SH3GL2: variants seen among roughly 807,000 people sequenced by gnomAD.
SH3GL2 encodes endophilin-A1.
In SH3GL2, 24 loss-of-function variants were observed where a neutral mutation model predicts 46.0. That is an observed-to-expected ratio of 0.52 (90% confidence interval 0.38 to 0.73). The LOEUF is 0.73. Ranked by LOEUF, SH3GL2 falls within the 30% of genes least tolerant of loss-of-function variation. The pLI, the probability that SH3GL2 is intolerant of heterozygous loss-of-function variation, is 0.00. For missense variants in SH3GL2, 413 were observed against 424.2 expected, an observed-to-expected ratio of 0.97 and a Z score of 0.23; for synonymous variants, 196 against 147.1, an observed-to-expected ratio of 1.33 and a Z score of -2.40.
At chr9:17,683,157 A>T (rs936735142) in intron 1 of SH3GL2, among the ~76,000 whole-genome samples, 26 of 152,196 alleles carry the variant, frequency 1.7e-4, no homozygotes, top group African/African-American at 6.3e-4. Flanking sequence ...TAAGAAAAAG[A>T]CTGAGTTATG....
intron 1 of SH3GL2, among the ~76,000 whole-genome samples, chr9:17,635,188 C>T (rs535449154): frequency 5.3e-5 from 8 of 152,176 alleles, no homozygotes; most frequent in African/African-American, 1.9e-4. Context: ...CTCTGTGTGT[C>T]CATGTGTTTT....
Position 17,789,498 on chromosome 9 carries a change from A to C in SH3GL2, c.572A>C (p.Asp191Ala), listed in dbSNP as rs1200691846. 5.0e-6 allele frequency: 8 copies of C among 1,613,476 alleles called. No individual in the cohort carries two copies. Among genetic ancestry groups the C allele is most frequent in the Non-Finnish European group, 5.9e-6 (7 of 1,179,526 alleles). Residue 191 changes from aspartate (D) to alanine (A), a missense_variant, in exon 6 of 9, where the codon GAT becomes GCT. Physicochemically the swap from Asp to Ala is moderately radical, Grantham distance 126. Coordinates refer to ENST00000380607, the MANE Select transcript of SH3GL2 (RefSeq NM_003026.5). ...EELRQALEKFDESKEIAESSM... is the reference protein window; with the variant it reads ...EELRQALEKFAESKEIAESSM... ...CTTCGTCAAGCTCTAGAGAAATTTGATGAGTCTAAGGAAATTGCTGAGTCA... is the reference window on the plus strand; with the variant it reads ...CTTCGTCAAGCTCTAGAGAAATTTGCTGAGTCTAAGGAAATTGCTGAGTCA...
intron 1 of SH3GL2, among the ~76,000 whole-genome samples, chr9:17,650,570 C>A (rs987182659): frequency 6.6e-6 from 1 of 151,984 alleles, no homozygotes; most frequent in Non-Finnish European, 1.5e-5. Flanking sequence ...CAGGGTTTCA[C>A]CATGTTGGCC....
intron 1 of SH3GL2, among the ~76,000 whole-genome samples, chr9:17,684,194 G>C (rs1820845241): frequency 6.6e-6 from 1 of 152,118 alleles, no homozygotes; most frequent in Non-Finnish European, 1.5e-5. Context: ...AGTGGGAAAA[G>C]TGGGTAATAT....
intron 1 of SH3GL2, among the ~76,000 whole-genome samples, chr9:17,615,658 CAAAAAAAA>C (rs55926751): frequency 8.5e-5 from 7 of 82,644 alleles, no homozygotes; most frequent in African/African-American, 2.0e-4. Context: ...GACTCCGTCT[CAAAAAAAA>C]AAAAAAAAAA....
chr9:17,778,522 A>G (rs1823709633), intron 3 of SH3GL2, among the ~76,000 whole-genome samples: 1 of 152,096 alleles, frequency 6.6e-6, no homozygotes, highest in Non-Finnish European at 1.5e-5. Context: ...GGACCTTGTC[A>G]CCATTGTTGG....
rs547504554 is a variant in SH3GL2, at chr9:17,776,321, G to A, written c.188-10060G>A. On this transcript the variant is annotated intron_variant, in intron 3 of 8. Transcript: ENST00000380607. ...TAAAACTCCCTGTTTTTTTCCCTAG[G>A]AAAAGGAGCATTCCATCTTCTGGCA... Among the ~76,000 whole-genome samples the A allele has an allele frequency of 1.1e-4, 17 of 152,096 alleles. 1 individual carries two copies. The South Asian group carries it at 3.3e-3, about 30-fold the overall frequency.
At chr9:17,638,028 G>C (rs1211301536) in intron 1 of SH3GL2, among the ~76,000 whole-genome samples, 1 of 152,002 alleles carries the variant, frequency 6.6e-6, no homozygotes, top group Non-Finnish European at 1.5e-5. Flanking sequence ...ATGGTGGCAG[G>C]CGCCTGTAGT....
intron 1 of SH3GL2, among the ~76,000 whole-genome samples, chr9:17,700,911 T>G (rs1467814278): frequency 6.6e-6 from 1 of 152,166 alleles, no homozygotes; most frequent in African/African-American, 2.4e-5. Flanking sequence ...CATATCAGAG[T>G]AGCAGAAGAA....
At chr9:17,651,305 T>C (rs1315376872) in intron 1 of SH3GL2, among the ~76,000 whole-genome samples, 2 of 152,214 alleles carry the variant, frequency 1.3e-5, no homozygotes, top group Non-Finnish European at 2.9e-5. Context: ...TTACAGGGAT[T>C]TGACATCTTT....
intron 1 of SH3GL2, among the ~76,000 whole-genome samples, chr9:17,581,956 C>T (rs969740526): frequency 3.3e-5 from 5 of 152,188 alleles, no homozygotes; most frequent in African/African-American, 1.2e-4. Context: ...GCCTCGATTA[C>T]AGGCTGAGCC....
chr9:17,791,189 T>G (rs1458770524), intron 6 of SH3GL2, 42 bp from the exon 7 acceptor site: 1 of 1,385,320 alleles, frequency 7.2e-7, no homozygotes, highest in Non-Finnish European at 1.0e-6. Context: ...TTAGGGATGG[T>G]AACGTGTAAA....
At chr9:17,628,642 A>C (rs935038865) in intron 1 of SH3GL2, among the ~76,000 whole-genome samples, 7 of 151,956 alleles carry the variant, frequency 4.6e-5, no homozygotes, top group Non-Finnish European at 1.0e-4. Context: ...TCTTCTTTTT[A>C]ATGGGTAGCT....
At chr9:17,670,718 C>A (rs1439770855) in intron 1 of SH3GL2, among the ~76,000 whole-genome samples, 2 of 152,156 alleles carry the variant, frequency 1.3e-5, no homozygotes, top group African/African-American at 4.8e-5. Context: ...TGCACCTTTT[C>A]TGAATTTCTC....
chr9:17,749,323 C>G (rs1029652340), intron 2 of SH3GL2, among the ~76,000 whole-genome samples: 7 of 152,176 alleles, frequency 4.6e-5, no homozygotes, highest in African/African-American at 1.7e-4. Context: ...AATGTCTTGT[C>G]TTTGACTCTT....
intron 3 of SH3GL2, among the ~76,000 whole-genome samples, chr9:17,770,264 T>C (rs184171549): frequency 6.6e-6 from 1 of 152,242 alleles, no homozygotes. Context: ...ATAATAGTTG[T>C]ATCTATTTTT....
chr9:17,757,719 C>T (rs1374139429), intron 2 of SH3GL2, among the ~76,000 whole-genome samples: 1 of 152,142 alleles, frequency 6.6e-6, no homozygotes, highest in Non-Finnish European at 1.5e-5. Context: ...GTACTGTTCT[C>T]AAATGGCAAT....
chr9:17,769,069 C>A (rs1405022051), intron 3 of SH3GL2, among the ~76,000 whole-genome samples: 1 of 152,206 alleles, frequency 6.6e-6, no homozygotes, highest in African/African-American at 2.4e-5. Flanking sequence ...TTCTCAAAGC[C>A]TTCGCTGGGG....
At chr9:17,634,167 G>A (rs1425093787) in intron 1 of SH3GL2, among the ~76,000 whole-genome samples, 1 of 152,134 alleles carries the variant, frequency 6.6e-6, no homozygotes, top group African/African-American at 2.4e-5. Flanking sequence ...ACCCTCAGGT[G>A]GCTGTGGAGG....
Sources: gnomAD v4.1 joint callset for allele counts (sites outside exome capture counted in the v4.1 genomes callset) on GRCh38, gnomAD v4.1.1 for gene constraint, MANE v1.5 for transcripts, NCBI Gene and HGNC (gene_info 2026-07-23, HGNC 2026-07-21) for gene names.